RIPOR3: variants seen among roughly 807,000 people sequenced by gnomAD.
RIPOR3 encodes the protein family with sequence similarity 65 member C.
Under a neutral mutation model 114.3 loss-of-function variants are expected in RIPOR3, and 95 were observed. The observed-to-expected ratio is 0.83, with a 90% CI of 0.70 to 0.99. The LOEUF (loss-of-function observed/expected upper bound fraction) is 0.99. Among genes scored for constraint, RIPOR3 ranks in the 50% least tolerant of loss-of-function variants. The pLI, the probability that RIPOR3 is intolerant of heterozygous loss-of-function variation, is 0.00. For synonymous variants in RIPOR3, 575 were observed against 543.8 expected (o/e 1.06, Z -0.80); for missense variants, 1,252 against 1,266.9 (o/e 0.99, Z 0.18).
chr20:50,686,277 C>G (rs370675114), intron 1 of RIPOR3, among the ~76,000 whole-genome samples: 2 of 151,762 alleles, frequency 1.3e-5, no homozygotes, highest in Non-Finnish European at 2.9e-5. Context: ...AGGATGGTCT[C>G]GATCTCCTGA....
intron 2 of RIPOR3, among the ~76,000 whole-genome samples, chr20:50,626,056 A>G (rs2084607198): frequency 6.6e-6 from 1 of 152,218 alleles, no homozygotes; most frequent in South Asian, 2.1e-4. Flanking sequence ...CCCTCCTGCC[A>G]GGTTGTTTGC....
At chr20:50,596,097 A>G (rs1568824480) in intron 15 of RIPOR3, 43 bp downstream of exon 15, 1 of 1,612,646 alleles carries the variant, frequency 6.2e-7, no homozygotes, top group African/African-American at 1.3e-5. Flanking sequence ...AGGACTCCAA[A>G]CCCCTGTCTG....
At chr20:50,617,109 C>A (rs186502447) in intron 3 of RIPOR3, among the ~76,000 whole-genome samples, 1 of 151,910 alleles carries the variant, frequency 6.6e-6, no homozygotes, top group African/African-American at 2.4e-5. Flanking sequence ...ACCACTGCAC[C>A]CCACCTGGGC....
At chr20:50,637,617 G>C (rs1234898665) in intron 1 of RIPOR3, among the ~76,000 whole-genome samples, 2 of 152,186 alleles carry the variant, frequency 1.3e-5, no homozygotes, top group Non-Finnish European at 2.9e-5. Flanking sequence ...GCTCACGCCT[G>C]TAATCCCAGC....
chr20:50,689,589 ATT>A (rs1568978050), intron 1 of RIPOR3, among the ~76,000 whole-genome samples: 1 of 152,092 alleles, frequency 6.6e-6, no homozygotes, highest in East Asian at 1.9e-4. Context: ...TTGCGGAGAG[ATT>A]TTAGAGGTTT....
chr20:50,685,339 C>G (rs2086979464), intron 1 of RIPOR3, among the ~76,000 whole-genome samples: 1 of 151,308 alleles, frequency 6.6e-6, no homozygotes, highest in African/African-American at 2.4e-5. Context: ...GCCTCAGCCT[C>G]CCGAGTAACT....
Position 50,593,138 on chromosome 20 carries a change from C to G in RIPOR3, c.2271G>C (p.Gly757=). The G allele has an allele frequency of 6.2e-7, 1 of 1,613,918 alleles. No homozygotes were observed. The highest frequency in any genetic ancestry group is 8.5e-7 in the Non-Finnish European group (1 of 1,180,038). ...AGGTAATGATCTGTTCTTCTGGGAG[C>G]CCAGCTCCGGGGAGCAGCCCACCAC... ...VSCGGLLPGA[G]LPEEQIITWF... is the part of the protein sequence containing the mutation. The change falls in exon 18 of 22, where the codon GGG becomes GGC. Residue 757 remains glycine (G), a synonymous_variant. Transcript: ENST00000327979.
intron 2 of RIPOR3, among the ~76,000 whole-genome samples, chr20:50,624,007 TG>T: frequency 6.8e-6 from 1 of 148,026 alleles, no homozygotes; most frequent in African/African-American, 2.6e-5. Context: ...CAGTAATTTT[TG>T]TTTTTTTTAG....
At chr20:50,632,819 C>T (rs1325737941) in intron 1 of RIPOR3, among the ~76,000 whole-genome samples, 1 of 152,246 alleles carries the variant, frequency 6.6e-6, no homozygotes, top group Non-Finnish European at 1.5e-5. Flanking sequence ...GGCACCTGAG[C>T]ACTGGGTTTA....
At chr20:50,610,607 C>A (rs1375762473) in intron 6 of RIPOR3, among the ~76,000 whole-genome samples, 1 of 152,168 alleles carries the variant, frequency 6.6e-6, no homozygotes, top group Non-Finnish European at 1.5e-5. Context: ...GAAGAAAGAG[C>A]CCACACAGTC....
chr20:50,629,125 G>T (rs1440369591), intron 2 of RIPOR3, among the ~76,000 whole-genome samples: 1 of 152,186 alleles, frequency 6.6e-6, no homozygotes, highest in Non-Finnish European at 1.5e-5. Flanking sequence ...GGCCGGGAGG[G>T]GAGGGAGGTA....
chr20:50,660,879 C>A (rs188291467), intron 1 of RIPOR3, among the ~76,000 whole-genome samples: 3 of 151,376 alleles, frequency 2.0e-5, no homozygotes, highest in East Asian at 3.9e-4. Flanking sequence ...CTCAGCACCC[C>A]CCACCTATGC....
intron 3 of RIPOR3, among the ~76,000 whole-genome samples, chr20:50,616,385 C>T (rs2084174577): frequency 6.6e-6 from 1 of 152,148 alleles, no homozygotes; most frequent in Non-Finnish European, 1.5e-5. Context: ...CTCTCTCGCC[C>T]AGGCTGGAGT....
intron 17 of RIPOR3, 60 bp from the exon 18 acceptor site, chr20:50,593,256 G>A: frequency 3.8e-6 from 6 of 1,562,896 alleles, no homozygotes; most frequent in Non-Finnish European, 5.2e-6. Context: ...ACGCTTCTCA[G>A]CTGGGAGTAG....
rs1190841073 is a variant in RIPOR3 at position 50,615,103 on chromosome 20, T to TG, written c.348+898_348+899insC. Among the ~76,000 whole-genome samples, 7 of 60,162 alleles carry TG rather than the reference T, an allele frequency of 1.2e-4. No homozygotes were observed. The East Asian group carries it at 6.8e-3, about 59-fold the overall frequency. 39.5% of individuals were successfully genotyped at this position (60,162 alleles called of 152,430 possible). A position where few individuals can be genotyped will look rare whatever the true frequency, so the allele number is the denominator to read the frequency against. ...AAACAAATTTAATGGGGCATGCTAT[T>TG]TGTGAGTGTGTGTGTGTGTGTGTGT... On this transcript the variant is annotated intron_variant, in intron 4 of 21. Coordinates refer to ENST00000327979, the MANE Select transcript of RIPOR3 (RefSeq NM_001290268.2).
chr20:50,598,224 G>C (rs2083367743), intron 13 of RIPOR3, among the ~76,000 whole-genome samples: 1 of 152,196 alleles, frequency 6.6e-6, no homozygotes, highest in African/African-American at 2.4e-5. Context: ...TCAGAGGCCT[G>C]TGGGCTCCAG....
At chr20:50,631,613 A>C (rs76723241) in intron 1 of RIPOR3, among the ~76,000 whole-genome samples, 3,435 of 152,220 alleles carry the variant, frequency 0.023, 48 homozygotes, top group Non-Finnish European at 0.032. Flanking sequence ...GAGCCATGGG[A>C]GGGCTTTCAG....
At chr20:50,594,133 A>G (rs1011896238) in intron 17 of RIPOR3, among the ~76,000 whole-genome samples, 13 of 151,988 alleles carry the variant, frequency 8.6e-5, no homozygotes, top group African/African-American at 2.9e-4. Flanking sequence ...AAAATTAGCC[A>G]AGCGTGGTGG....
At chr20:50,590,571 G>A (rs2083076889) in intron 19 of RIPOR3, among the ~76,000 whole-genome samples, 1 of 152,204 alleles carries the variant, frequency 6.6e-6, no homozygotes. Context: ...GCTGCTTTGG[G>A]AAGACAGACT....
Sources: allele counts gnomAD v4.1 joint callset (sites outside exome capture counted in the v4.1 genomes callset), GRCh38; gene constraint gnomAD v4.1.1; transcripts MANE v1.5; gene names NCBI Gene and HGNC (gene_info 2026-07-23, HGNC 2026-07-21).